Variants in DAAM1 observed in about 807,000 individuals in gnomAD.
DAAM1 encodes the protein dishevelled associated activator of morphogenesis 1, also known as disheveled-associated activator of morphogenesis 1.
A neutral mutation model predicts 130.0 loss-of-function variants in DAAM1; 52 were observed. That is an observed-to-expected ratio of 0.40 (90% confidence interval 0.32 to 0.50). DAAM1 has a LOEUF of 0.50. Among genes scored for constraint, DAAM1 ranks in the 20% least tolerant of loss-of-function variants. DAAM1 has a pLI of 0.61. For synonymous variants in DAAM1, 452 were observed against 444.5 expected, an observed-to-expected ratio of 1.02 and a Z score of -0.21; for missense variants, 1,134 against 1,303.8, an observed-to-expected ratio of 0.87 and a Z score of 2.01.
intron 1 of DAAM1, among the ~76,000 whole-genome samples, chr14:59,238,434 C>G (rs1331557069): frequency 1.3e-5 from 2 of 152,124 alleles, no homozygotes; most frequent in South Asian, 4.1e-4. Context: ...TCATGAGTCT[C>G]TCCTCAGCTA....
chr14:59,276,509 A>G (rs1376673680), intron 2 of DAAM1, among the ~76,000 whole-genome samples: 1 of 151,898 alleles, frequency 6.6e-6, no homozygotes, highest in Non-Finnish European at 1.5e-5. Flanking sequence ...GTGGGAGGAG[A>G]GGGTTAAACT....
intron 23 of DAAM1, among the ~76,000 whole-genome samples, chr14:59,367,097 G>A (rs1448865727): frequency 6.6e-6 from 1 of 151,912 alleles, no homozygotes; most frequent in Non-Finnish European, 1.5e-5. Flanking sequence ...AGACCAGCCC[G>A]GCCAACATGG....
At chr14:59,356,135 A>G (rs967548637) in intron 20 of DAAM1, among the ~76,000 whole-genome samples, 9 of 152,190 alleles carry the variant, frequency 5.9e-5, no homozygotes, top group African/African-American at 1.9e-4. Flanking sequence ...ACTGACTTCA[A>G]AGGAACTTGC....
chr14:59,204,886 G>A (rs1036746221), intron 1 of DAAM1, among the ~76,000 whole-genome samples: 2 of 152,092 alleles, frequency 1.3e-5, no homozygotes, highest in African/African-American at 2.4e-5. Flanking sequence ...AAATAAATAA[G>A]TAAATAAAAA....
Position 59,291,201 on chromosome 14 carries a change from TTTTC to T in DAAM1, c.184-9_184-6del, listed in dbSNP as rs1426095071. 6.3e-7 allele frequency: 1 copy of T among 1,595,756 alleles called. No individual in the cohort carries two copies. On this transcript the variant is annotated splice_polypyrimidine_tract_variant and intron_variant, in intron 2 of 24. Coordinates refer to ENST00000360909, the MANE Select transcript of DAAM1 (RefSeq NM_001270520.2). ...TGTTTATCCTATGAAACACTAATTA[TTTTC>T]TTTCTTCTCAGGATGAACTGGACCT...
intron 1 of DAAM1, among the ~76,000 whole-genome samples, chr14:59,191,516 G>A (rs760830682): frequency 5.3e-5 from 8 of 152,036 alleles, no homozygotes; most frequent in Non-Finnish European, 8.8e-5. Context: ...TCTGTCATCC[G>A]TGGTAATATT....
rs146664457 is a variant in DAAM1, at chr14:59,363,820, G to A, written c.2826+38G>A. ...CTTGTGCACTGAGTGTTGTTTGACC[G>A]GGCTGGGCTTCAGTGTGATACTTTC... On this transcript the variant is annotated intron_variant, in intron 23 of 24. Coordinates refer to ENST00000360909, the MANE Select transcript of DAAM1 (RefSeq NM_001270520.2). 189 of 1,609,590 alleles carry A rather than the reference G, an allele frequency of 1.2e-4. No individual in the cohort carries two copies. In the East Asian group the frequency reaches 2.4e-3, roughly 21 times the overall value.
intron 16 of DAAM1, among the ~76,000 whole-genome samples, chr14:59,341,042 A>G (rs1463408946): frequency 6.6e-6 from 1 of 152,192 alleles, no homozygotes; most frequent in Non-Finnish European, 1.5e-5. Context: ...AGTAGTCCTT[A>G]TTATTTAGAT....
chr14:59,261,608 G>A (rs12879270), intron 1 of DAAM1, among the ~76,000 whole-genome samples: 22,967 of 152,094 alleles, frequency 0.15, 2,092 homozygotes, highest in Non-Finnish European at 0.21. Context: ...CTCTCTTCCC[G>A]TCACAGAACC....
chr14:59,291,947 G>A (rs189087165), intron 3 of DAAM1, among the ~76,000 whole-genome samples: 3 of 152,300 alleles, frequency 2.0e-5, no homozygotes, highest in East Asian at 1.9e-4. Flanking sequence ...AAGAGATGGG[G>A]AGAATGGATA....
chr14:59,291,713 C>T (rs1281686182), intron 3 of DAAM1, among the ~76,000 whole-genome samples: 1 of 152,090 alleles, frequency 6.6e-6, no homozygotes, highest in African/African-American at 2.4e-5. Context: ...ATCCCATGCA[C>T]CAAGGTGACT....
At chr14:59,325,044 T>G (rs1298869247) in intron 8 of DAAM1, among the ~76,000 whole-genome samples, 1 of 152,210 alleles carries the variant, frequency 6.6e-6, no homozygotes, top group Non-Finnish European at 1.5e-5. Context: ...TGAACACTCT[T>G]GCATCAGTGC....
intron 3 of DAAM1, among the ~76,000 whole-genome samples, chr14:59,307,905 G>A (rs781357684): frequency 6.6e-6 from 1 of 152,180 alleles, no homozygotes; most frequent in Non-Finnish European, 1.5e-5. Context: ...TGTTTTAGAT[G>A]TGAAGCATCC....
Position 59,214,201 on chromosome 14 carries a change from G to T in DAAM1, c.-38+25433G>T, listed in dbSNP as rs141980412. Reference sequence around the variant, plus strand: ...TGTCTGGTGACAGTTTGCAAAGGGTGCTGTGTAGACCTAAGTTCTGTGCCT... The same window carrying T: ...TGTCTGGTGACAGTTTGCAAAGGGTTCTGTGTAGACCTAAGTTCTGTGCCT... On this transcript the variant is annotated intron_variant, in intron 1 of 24. Transcript: ENST00000360909. 1.2e-3 allele frequency among the ~76,000 whole-genome samples: 176 copies of T among 152,302 alleles called. 1 individual carries two copies. The highest frequency in any genetic ancestry group is 3.9e-3 in the African/African-American group (163 of 41,576).
chr14:59,203,318 A>G (rs1888170051), intron 1 of DAAM1, among the ~76,000 whole-genome samples: 1 of 151,972 alleles, frequency 6.6e-6, no homozygotes, highest in Non-Finnish European at 1.5e-5. Context: ...GATGATGAAG[A>G]TGTTCTAAAA....
chr14:59,327,201 T>G (rs894371785), intron 12 of DAAM1, among the ~76,000 whole-genome samples: 6 of 152,108 alleles, frequency 3.9e-5, no homozygotes, highest in Non-Finnish European at 5.9e-5. Context: ...ATCCTTTTAT[T>G]ATAATCATGT....
At chr14:59,355,123 G>A (rs763353819) in intron 19 of DAAM1, 42 bp from the exon 20 acceptor site, 53 of 1,589,146 alleles carry the variant, frequency 3.3e-5, no homozygotes, top group South Asian at 9.1e-5. Context: ...TTCAAACAAC[G>A]AAACACTTGG....
intron 2 of DAAM1, among the ~76,000 whole-genome samples, chr14:59,277,608 TTCTC>T (rs1883028184): frequency 1.3e-5 from 2 of 152,058 alleles, no homozygotes; most frequent in African/African-American, 4.8e-5. Context: ...AACTAAAACT[TTCTC>T]TGGAGAGGCA....
chr14:59,201,793 CAAAA>C (rs75591936), intron 1 of DAAM1, among the ~76,000 whole-genome samples: 4 of 101,546 alleles, frequency 3.9e-5, no homozygotes, highest in African/African-American at 1.4e-4. Flanking sequence ...GATACTGTCT[CAAAA>C]AAAAAAAAAA....
Sources: allele counts gnomAD v4.1 joint callset (sites outside exome capture counted in the v4.1 genomes callset), GRCh38; gene constraint gnomAD v4.1.1; transcripts MANE v1.5; gene names NCBI Gene and HGNC (gene_info 2026-07-23, HGNC 2026-07-21).